PHLDB2: variants seen among roughly 807,000 people sequenced by gnomAD.
PHLDB2 encodes pleckstrin homology like domain family B member 2.
A neutral mutation model predicts 123.6 loss-of-function variants in PHLDB2; 71 were observed. The ratio of observed to expected loss-of-function variants is 0.57; its 90% CI spans 0.47 to 0.70. The LOEUF (loss-of-function observed/expected upper bound fraction) is 0.70. PHLDB2 is among the 30% of genes least tolerant of loss of function. The pLI, the probability that PHLDB2 is intolerant of heterozygous loss-of-function variation, is 0.00. For missense variants in PHLDB2, 1,446 were observed against 1,519.5 expected (o/e 0.95, Z 0.80); for synonymous variants, 547 against 541.6 (o/e 1.01, Z -0.14).
At chr3:111,783,206 A>G (rs956941493) in intron 1 of PHLDB2, among the ~76,000 whole-genome samples, 49 of 152,078 alleles carry the variant, frequency 3.2e-4, no homozygotes, top group Admixed American at 6.6e-4. Context: ...TCAGAGAGAG[A>G]TTTCTAGAGC....
intron 1 of PHLDB2, among the ~76,000 whole-genome samples, chr3:111,780,882 G>A (rs2060449892): frequency 1.3e-5 from 2 of 152,064 alleles, no homozygotes; most frequent in South Asian, 4.1e-4. Context: ...AGGACTATCT[G>A]TGTGTCTTCA....
chr3:111,810,654 G>A (rs896802748), intron 1 of PHLDB2, among the ~76,000 whole-genome samples: 2 of 151,930 alleles, frequency 1.3e-5, no homozygotes, highest in African/African-American at 2.4e-5. Flanking sequence ...TGAGGGTTAG[G>A]GCTTCAACAT....
At chr3:111,839,574 G>A (rs2063575053) in intron 1 of PHLDB2, among the ~76,000 whole-genome samples, 1 of 152,062 alleles carries the variant, frequency 6.6e-6, no homozygotes, top group African/African-American at 2.4e-5. Context: ...GTTTATCATT[G>A]ATTTTCTCAG....
intron 1 of PHLDB2, among the ~76,000 whole-genome samples, chr3:111,805,666 G>A (rs114859474): frequency 0.035 from 5,255 of 149,780 alleles, 313 homozygotes; most frequent in South Asian, 0.074. Flanking sequence ...CATACTGTCT[G>A]ATTCCATTTT....
intron 2 of PHLDB2, among the ~76,000 whole-genome samples, chr3:111,898,804 C>T (rs2107431617): frequency 6.6e-6 from 1 of 152,332 alleles, no homozygotes; most frequent in South Asian, 2.1e-4. Context: ...CATGAGATTT[C>T]AGCAATTCAT....
chr3:111,916,706 G>A (rs915990483), intron 3 of PHLDB2: 2 of 152,098 alleles, frequency 1.3e-5, no homozygotes, highest in African/African-American at 4.8e-5. Flanking sequence ...TCTGGAAAGT[G>A]GCTCATCTTC....
chr3:111,852,574 T>C (rs913438956), intron 2 of PHLDB2, among the ~76,000 whole-genome samples: 1 of 152,074 alleles, frequency 6.6e-6, no homozygotes, highest in African/African-American at 2.4e-5. Context: ...CTGAGTTCTC[T>C]TCAGTATCGA....
intron 1 of PHLDB2, among the ~76,000 whole-genome samples, chr3:111,867,233 TA>T (rs374305809): frequency 9.3e-5 from 14 of 149,834 alleles, no homozygotes; most frequent in South Asian, 4.2e-4. Context: ...ATTTTATACT[TA>T]AAAAAAAAAT....
chr3:111,969,789 G>A lies in PHLDB2; in HGVS notation c.3415G>A (p.Val1139Ile). ...CCACAATATTGACACCTGTTACCAT[G>A]TATCAATCACAGAGAAGACCTGCCG... ...AGHNIDTCYH[V>I]SITEKTCRGF... The change falls in exon 16 of 18, where the codon GTA becomes ATA. Residue 1139 changes from valine (V) to isoleucine (I), a missense_variant. Val to Ile is a conservative substitution (Grantham distance 29, BLOSUM62 3). Coordinates refer to ENST00000431670, the MANE Select transcript of PHLDB2 (RefSeq NM_001134438.2). 6.2e-7 allele frequency: 1 copy of A among 1,614,020 alleles called. No individual in the cohort carries two copies. The highest frequency in any genetic ancestry group is 8.5e-7 in the Non-Finnish European group (1 of 1,179,892).
intron 2 of PHLDB2, among the ~76,000 whole-genome samples, chr3:111,899,833 C>T (rs758796889): frequency 4.6e-5 from 7 of 152,068 alleles, no homozygotes; most frequent in Non-Finnish European, 7.4e-5. Context: ...GTTGAGCTCC[C>T]GGCCTCAAGT....
At chr3:111,918,733 A>T (rs1330690387) in intron 3 of PHLDB2, among the ~76,000 whole-genome samples, 1 of 152,218 alleles carries the variant, frequency 6.6e-6, no homozygotes, top group Non-Finnish European at 1.5e-5. Flanking sequence ...GTTCTCTGTT[A>T]TGCTGAACTT....
chr3:111,921,016 C>T (rs990299630), intron 5 of PHLDB2, among the ~76,000 whole-genome samples: 4 of 152,218 alleles, frequency 2.6e-5, no homozygotes, highest in South Asian at 2.1e-4. Flanking sequence ...CTGTGAAACA[C>T]AGTTGACACT....
At chr3:111,897,980 T>C (rs1333942084) in intron 2 of PHLDB2, among the ~76,000 whole-genome samples, 1 of 152,258 alleles carries the variant, frequency 6.6e-6, no homozygotes, top group African/African-American at 2.4e-5. Context: ...AACAGCATTA[T>C]GTATAAAAAT....
At chr3:111,817,645 A>C (rs1559847190) in intron 1 of PHLDB2, among the ~76,000 whole-genome samples, 1 of 152,202 alleles carries the variant, frequency 6.6e-6, no homozygotes, top group Non-Finnish European at 1.5e-5. Context: ...AGACCTTTCC[A>C]AACTCTTATC....
chr3:111,918,873 C>T (rs1480601784), intron 3 of PHLDB2, among the ~76,000 whole-genome samples, 199 bp from the exon 4 acceptor site: 1 of 152,176 alleles, frequency 6.6e-6, no homozygotes, highest in Non-Finnish European at 1.5e-5. Flanking sequence ...CTCAACTCTC[C>T]TGAGAGCCTA....
chr3:111,786,395 A>C (rs1365254276), intron 1 of PHLDB2, among the ~76,000 whole-genome samples: 1 of 152,174 alleles, frequency 6.6e-6, no homozygotes, highest in African/African-American at 2.4e-5. Context: ...CTGACATCCT[A>C]CTGCTGTAGG....
chr3:111,964,817 T>G (rs1226040156), intron 13 of PHLDB2, among the ~76,000 whole-genome samples: 1 of 152,136 alleles, frequency 6.6e-6, no homozygotes, highest in African/African-American at 2.4e-5. Context: ...TAAATAAACA[T>G]TGACTATATG....
At chr3:111,793,405 T>A (rs1231571638) in intron 1 of PHLDB2, among the ~76,000 whole-genome samples, 2 of 152,050 alleles carry the variant, frequency 1.3e-5, no homozygotes, top group Non-Finnish European at 2.9e-5. Context: ...TGAACACTGT[T>A]AGATCTGGGT....
At chr3:111,876,096 TGAG>T (rs1432234697) in intron 1 of PHLDB2, among the ~76,000 whole-genome samples, 4 of 152,176 alleles carry the variant, frequency 2.6e-5, no homozygotes, top group East Asian at 1.9e-4. Flanking sequence ...ATAGGCATAT[TGAG>T]GAGGCAAGAG....
Sources: allele counts gnomAD v4.1 joint callset (sites outside exome capture counted in the v4.1 genomes callset), GRCh38; gene constraint gnomAD v4.1.1; transcripts MANE v1.5; gene names NCBI Gene and HGNC (gene_info 2026-07-23, HGNC 2026-07-21).